Variants in ZNF18 observed in about 807,000 individuals in gnomAD.
ZNF18 encodes the protein heart development-specific gene 1 protein.
ZNF18 carries 42 observed loss-of-function variants against 58.1 expected under a neutral mutation model. That is an observed-to-expected ratio of 0.72 (90% confidence interval 0.56 to 0.93). The LOEUF is 0.93. Ranked by LOEUF, ZNF18 falls within the 40% of genes least tolerant of loss-of-function variation. ZNF18 has a pLI of 0.00. For missense variants in ZNF18, 540 were observed against 644.2 expected, an observed-to-expected ratio of 0.84 and a Z score of 1.75; for synonymous variants, 231 against 239.8, an observed-to-expected ratio of 0.96 and a Z score of 0.34.
At chr17:11,992,160 G>A (rs1009467804) in intron 2 of ZNF18, among the ~76,000 whole-genome samples, 1 of 152,112 alleles carries the variant, frequency 6.6e-6, no homozygotes, top group African/African-American at 2.4e-5. Flanking sequence ...GGGAACCTCC[G>A]AATTTATAGC....
At chr17:12,019,900 A>AT in the ZNF18 span, among the ~76,000 whole-genome samples, 1 of 152,212 alleles carries the variant, frequency 6.6e-6, no homozygotes, top group African/African-American at 2.4e-5. Flanking sequence ...TGGCTATTCC[A>AT]TTTTAGGCAA....
chr17:11,987,838 G>A (rs1287187234), intron 4 of ZNF18, among the ~76,000 whole-genome samples: 1 of 152,090 alleles, frequency 6.6e-6, no homozygotes, highest in Non-Finnish European at 1.5e-5. Flanking sequence ...TCTCTCCCCT[G>A]CCACCTCCCC....
chr17:11,997,330 C>G (rs1213797443), intron 1 of ZNF18, 101 bp downstream of exon 1: 1 of 152,446 alleles, frequency 6.6e-6, no homozygotes, highest in Non-Finnish European at 1.5e-5. Flanking sequence ...CTGGCCCCTC[C>G]GTAGCTCCGG....
chr17:12,017,596 G>A, the ZNF18 span, among the ~76,000 whole-genome samples: 2 of 152,154 alleles, frequency 1.3e-5, no homozygotes, highest in South Asian at 4.1e-4. Context: ...GTATTCTTGA[G>A]GCTGGGTGCA....
At chr17:12,000,725 A>G (rs1170846716), upstream of ZNF18, among the ~76,000 whole-genome samples, 5 of 152,204 alleles carry the variant, frequency 3.3e-5, no homozygotes, top group Non-Finnish European at 7.3e-5. Flanking sequence ...AGAAAGAAAG[A>G]AAGGAAGAAA....
chr17:12,014,390 C>T, the ZNF18 span, among the ~76,000 whole-genome samples: 1 of 152,132 alleles, frequency 6.6e-6, no homozygotes, highest in African/African-American at 2.4e-5. Flanking sequence ...CCCAAAATGT[C>T]CATCAATAGA....
rs756429923 is a variant in ZNF18 at position 11,992,436 on chromosome 17, T to C, written c.387+7A>G. ...TTCACTCGCAGATCATAATACCCTC[T>C]GCTTACCCATTGCCACAGTCTCTGG... is the stretch of plus-strand genomic sequence containing the variant. On this transcript the variant is annotated splice_region_variant and intron_variant, in intron 2 of 6. Transcript: ENST00000580306. The C allele has an allele frequency of 1.2e-5, 19 of 1,612,306 alleles. No homozygotes were observed. The highest frequency in any genetic ancestry group is 1.6e-4 in the Middle Eastern group (1 of 6,072).
chr17:11,980,179 G>T (rs1258886701), intron 6 of ZNF18, among the ~76,000 whole-genome samples: 1 of 152,134 alleles, frequency 6.6e-6, no homozygotes, highest in African/African-American at 2.4e-5. Flanking sequence ...GGGGAAGTGG[G>T]TATTCAATAC....
the ZNF18 span, among the ~76,000 whole-genome samples, chr17:12,015,907 CA>C: frequency 6.6e-6 from 1 of 152,048 alleles, no homozygotes; most frequent in Non-Finnish European, 1.5e-5. Context: ...TCTTGGTACT[CA>C]GCCTTCTGAG....
chr17:12,017,275 G>A, the ZNF18 span, among the ~76,000 whole-genome samples: 1 of 152,116 alleles, frequency 6.6e-6, no homozygotes, highest in South Asian at 2.1e-4. Context: ...ACTGGTCAAA[G>A]TTTCTCACAG....
At position 11,992,692 on chromosome 17, in the gene ZNF18, C is replaced by G; in HGVS notation, c.138G>C (p.Gln46His). 1 of 1,614,272 alleles carries G rather than the reference C, an allele frequency of 6.2e-7. No homozygotes were observed. Among genetic ancestry groups the G allele is most frequent in the Non-Finnish European group, 8.5e-7 (1 of 1,180,052 alleles). Reference sequence around the variant, plus strand: ...GCCCAGACATCACCTGGTAACGGAACTGCCTGAAAAGCTGGCGTGCGGTCT... The same window carrying G: ...GCCCAGACATCACCTGGTAACGGAAGTGCCTGAAAAGCTGGCGTGCGGTCT... ...SPETARQLFR[Q>H]FRYQVMSGPH... Residue 46 changes from glutamine (Q) to histidine (H), a missense_variant, in exon 2 of 7, where the codon CAG becomes CAC. Gln to His is a conservative substitution (Grantham distance 24). Transcript: ENST00000580306.
upstream of ZNF18, among the ~76,000 whole-genome samples, chr17:11,999,235 C>A (rs146957602): frequency 1.3e-5 from 2 of 152,338 alleles, no homozygotes; most frequent in African/African-American, 4.8e-5. Flanking sequence ...TAATTGGGTT[C>A]TGACTCCTTT....
At position 11,977,984 on chromosome 17, in the gene ZNF18, G is replaced by A. The variant is rs151293359; in HGVS notation, c.1623C>T (p.Ser541=). ...WSSSLDKHQR[S]HLGKKPFQ is the part of the protein sequence containing the mutation. ...ATTGAAAGGGCTTCTTTCCTAAGTG[G>A]GATCTTTGATGTTTGTCAAGGCTCG... Residue 541 remains serine (S), a synonymous_variant, in exon 7 of 7, where the codon TCC becomes TCT. Coordinates refer to ENST00000580306, the MANE Select transcript of ZNF18 (RefSeq NM_001303281.2). 7.2e-5 allele frequency: 114 copies of A among 1,584,430 alleles called. No homozygotes were observed. In the African/African-American group the frequency reaches 1.3e-3, roughly 18 times the overall value.
chr17:11,984,169 T>C lies in ZNF18; in HGVS notation c.695A>G (p.Gln232Arg). Residue 232 changes from glutamine (Q) to arginine (R), a missense_variant, in exon 5 of 7, where the codon CAA (glutamine) becomes CGA (arginine). Gln to Arg is a conservative substitution (Grantham distance 43). Transcript: ENST00000580306. The part of the protein sequence containing the change: ...QEQWRQLDST[Q>R]KEQYWDLMLE... The stretch of plus-strand genomic sequence containing the variant: ...CATGAGATCCCAGTATTGCTCCTTT[T>C]GAGTGGAATCCAGTTGTCTCCACTG... 6.2e-7 allele frequency: 1 copy of C among 1,612,744 alleles called. No homozygotes were observed. The highest frequency in any genetic ancestry group is 8.5e-7 in the Non-Finnish European group (1 of 1,179,626).
chr17:12,011,574 TG>T, the ZNF18 span, among the ~76,000 whole-genome samples: 1 of 151,856 alleles, frequency 6.6e-6, no homozygotes, highest in Non-Finnish European at 1.5e-5. Flanking sequence ...TTAGTAGAGA[TG>T]GGGTTTCACC....
At chr17:11,995,055 AC>A (rs2151488357) in intron 1 of ZNF18, among the ~76,000 whole-genome samples, 1 of 152,250 alleles carries the variant, frequency 6.6e-6, no homozygotes, top group South Asian at 2.1e-4. Flanking sequence ...GACCCTTGCA[AC>A]CGTAATCCAA....
the ZNF18 span, among the ~76,000 whole-genome samples, chr17:12,004,329 A>G: frequency 1.3e-5 from 2 of 152,196 alleles, no homozygotes; most frequent in Non-Finnish European, 2.9e-5. Context: ...TTTATGGATT[A>G]TATTACCTAG....
chr17:11,986,926 C>T (rs1411545952), intron 4 of ZNF18, among the ~76,000 whole-genome samples: 2 of 152,190 alleles, frequency 1.3e-5, no homozygotes, highest in African/African-American at 4.8e-5. Context: ...AAAGTTGCTT[C>T]AGGAGCACTA....
intron 4 of ZNF18, among the ~76,000 whole-genome samples, chr17:11,985,210 G>A (rs1052655785): frequency 3.3e-5 from 5 of 152,152 alleles, no homozygotes; most frequent in Admixed American, 6.5e-5. Context: ...CGACAGACTG[G>A]AGACTCAAAA....
Sources: allele counts gnomAD v4.1 joint callset (sites outside exome capture counted in the v4.1 genomes callset), GRCh38; gene constraint gnomAD v4.1.1; transcripts MANE v1.5; gene names NCBI Gene and HGNC (gene_info 2026-07-23, HGNC 2026-07-21).